MSRA: variants seen among roughly 807,000 people sequenced by gnomAD.
The protein encoded by MSRA is mitochondrial peptide methionine sulfoxide reductase.
In MSRA, 54 loss-of-function variants were observed where a neutral mutation model predicts 31.3. The observed-to-expected ratio is 1.73, with a 90% CI of 1.39 to 2.17. The LOEUF is 2.17. Ranked by LOEUF, MSRA falls within the 30% of genes most tolerant of loss-of-function variation. MSRA has a pLI of 0.00. For synonymous variants in MSRA, 169 were observed against 116.5 expected (o/e 1.45, Z -2.90); for missense variants, 507 against 300.9 (o/e 1.69, Z -5.07).
intron 1 of MSRA, among the ~76,000 whole-genome samples, chr8:10,147,329 C>T (rs1313764100): frequency 6.6e-6 from 1 of 152,120 alleles, no homozygotes; most frequent in Admixed American, 6.5e-5. Flanking sequence ...GGCCACCGAG[C>T]CTAGGGAGTG....
intron 1 of MSRA, among the ~76,000 whole-genome samples, chr8:10,087,714 C>G (rs183928964): frequency 7.2e-4 from 109 of 152,266 alleles, no homozygotes; most frequent in Non-Finnish European, 1.3e-3. Flanking sequence ...TGTAAATATT[C>G]TGAGAGTGCC....
At chr8:10,401,860 T>G (rs938919240) in intron 5 of MSRA, among the ~76,000 whole-genome samples, 5 of 152,064 alleles carry the variant, frequency 3.3e-5, no homozygotes, top group Non-Finnish European at 7.4e-5. Flanking sequence ...GTAGTCAAAT[T>G]CATAGAGATA....
chr8:10,278,450 G>T (rs1799441539), intron 3 of MSRA, among the ~76,000 whole-genome samples: 2 of 152,292 alleles, frequency 1.3e-5, no homozygotes, highest in African/African-American at 2.4e-5. Context: ...CTTTCCTCAC[G>T]TGGCAATTCA....
At chr8:10,269,610 G>A (rs527714231) in intron 3 of MSRA, among the ~76,000 whole-genome samples, 1 of 152,248 alleles carries the variant, frequency 6.6e-6, no homozygotes, top group Admixed American at 6.5e-5. Flanking sequence ...TGCTGCTACC[G>A]CTTACTCTCT....
intron 5 of MSRA, among the ~76,000 whole-genome samples, chr8:10,370,873 T>C (rs1208999816): frequency 6.6e-6 from 1 of 152,220 alleles, no homozygotes; most frequent in African/African-American, 2.4e-5. Flanking sequence ...AGCAGATAAG[T>C]GCCAATGTTG....
intron 2 of MSRA, among the ~76,000 whole-genome samples, chr8:10,231,475 C>A (rs1285189475): frequency 6.6e-6 from 1 of 152,106 alleles, no homozygotes; most frequent in African/African-American, 2.4e-5. Flanking sequence ...AGGTGGGGAT[C>A]CCCAGCAAGA....
chr8:10,160,066 T>G (rs970390836), intron 1 of MSRA, among the ~76,000 whole-genome samples: 1 of 152,246 alleles, frequency 6.6e-6, no homozygotes, highest in African/African-American at 2.4e-5. Flanking sequence ...TTTCTTCTTT[T>G]CATTTTTTAC....
intron 2 of MSRA, among the ~76,000 whole-genome samples, chr8:10,235,762 G>T (rs573169891): frequency 1.3e-5 from 2 of 152,070 alleles, no homozygotes; most frequent in African/African-American, 4.8e-5. Flanking sequence ...TTTCTAATGC[G>T]GTGTTACATA....
chr8:10,278,365 A>C (rs924265458), intron 3 of MSRA, among the ~76,000 whole-genome samples: 5 of 152,208 alleles, frequency 3.3e-5, no homozygotes, highest in Non-Finnish European at 7.3e-5. Flanking sequence ...AGATCCAGCA[A>C]ATGTACCGTG....
chr8:10,158,305 C>G (rs1804339944), intron 1 of MSRA, among the ~76,000 whole-genome samples: 1 of 152,222 alleles, frequency 6.6e-6, no homozygotes, highest in African/African-American at 2.4e-5. Context: ...GCAACCATCA[C>G]CACAGTCAAT....
intron 1 of MSRA, among the ~76,000 whole-genome samples, chr8:10,207,632 T>C (rs1235210480): frequency 2.6e-5 from 4 of 152,106 alleles, no homozygotes; most frequent in African/African-American, 4.8e-5. Context: ...ATTTATAAAA[T>C]GACATACCTG....
chr8:10,202,117 T>C (rs144928642), intron 1 of MSRA, among the ~76,000 whole-genome samples: 189 of 152,376 alleles, frequency 1.2e-3, no homozygotes, highest in African/African-American at 3.4e-3. Context: ...ATGCCATTGA[T>C]TTTGAAACAA....
intron 3 of MSRA, among the ~76,000 whole-genome samples, chr8:10,278,410 T>G (rs1204036394): frequency 6.6e-6 from 1 of 152,224 alleles, no homozygotes; most frequent in African/African-American, 2.4e-5. Flanking sequence ...CTTGTTCATG[T>G]AACAACCAAA....
intron 1 of MSRA, among the ~76,000 whole-genome samples, chr8:10,201,252 G>T (rs1242795468): frequency 6.6e-6 from 1 of 152,108 alleles, no homozygotes; most frequent in Non-Finnish European, 1.5e-5. Context: ...CGTCAGTCCA[G>T]ATCCCTCAGG....
At chr8:10,306,601 C>A (rs1254212045) in intron 4 of MSRA, among the ~76,000 whole-genome samples, 1 of 152,030 alleles carries the variant, frequency 6.6e-6, no homozygotes, top group Non-Finnish European at 1.5e-5. Context: ...GCTGGTGGAT[C>A]CTTGCTCAAA....
At chr8:10,108,131 T>A (rs957646620) in intron 1 of MSRA, among the ~76,000 whole-genome samples, 1 of 152,198 alleles carries the variant, frequency 6.6e-6, no homozygotes, top group Non-Finnish European at 1.5e-5. Context: ...GAGAGAAATA[T>A]AAATTTTTTC....
intron 4 of MSRA, among the ~76,000 whole-genome samples, chr8:10,313,439 C>T (rs66666973): frequency 0.14 from 20,477 of 151,474 alleles, 1,610 homozygotes; most frequent in African/African-American, 0.2. Flanking sequence ...GGAACTGGTA[C>T]CTTGAAGTGG....
intron 5 of MSRA, among the ~76,000 whole-genome samples, chr8:10,378,204 C>G (rs1009801114): frequency 1.9e-4 from 29 of 152,332 alleles, no homozygotes; most frequent in Admixed American, 1.6e-3. Context: ...CTTCTCCCCT[C>G]TGGGCCTTGA....
intron 5 of MSRA, among the ~76,000 whole-genome samples, chr8:10,386,051 T>G (rs1315472389): frequency 2.0e-5 from 3 of 152,158 alleles, no homozygotes; most frequent in African/African-American, 7.2e-5. Context: ...TGGATGGCAG[T>G]CTCGTCAATA....
Sources: gnomAD v4.1 joint callset for allele counts (sites outside exome capture counted in the v4.1 genomes callset) on GRCh38, gnomAD v4.1.1 for gene constraint, MANE v1.5 for transcripts, NCBI Gene and HGNC (gene_info 2026-07-23, HGNC 2026-07-21) for gene names.